PSD3: variants seen among roughly 807,000 people sequenced by gnomAD.
PSD3 encodes the protein PH and SEC7 domain-containing protein 3.
Under a neutral mutation model 105.5 loss-of-function variants are expected in PSD3, and 49 were observed. The observed-to-expected ratio is 0.46, with a 90% CI of 0.37 to 0.59. PSD3 has a LOEUF of 0.59. Among genes scored for constraint, PSD3 ranks in the 20% least tolerant of loss-of-function variants. The probability of loss-of-function intolerance (pLI) is 0.00; values close to 1 mark genes in which losing one functional copy is unlikely to be tolerated. For synonymous variants in PSD3, 557 were observed against 457.8 expected, an observed-to-expected ratio of 1.22 and a Z score of -2.77; for missense variants, 1,561 against 1,263.8, an observed-to-expected ratio of 1.24 and a Z score of -3.57.
rs779390446 is a variant in PSD3 at position 18,804,912 on chromosome 8, TAA to T, written c.1635-16_1635-15del. The T allele has an allele frequency of 3.2e-6, 5 of 1,556,102 alleles. No homozygotes were observed. The highest frequency in any genetic ancestry group is 2.2e-5 in the East Asian group (1 of 44,582). On this transcript the variant is annotated splice_polypyrimidine_tract_variant and intron_variant, in intron 4 of 15. Transcript: ENST00000327040. ...ACCCCAGCATTGCTATGATAATTGA[TAA>T]AGAGAGAAAATAATAGATTTTTCTT...
intron 3 of PSD3, among the ~76,000 whole-genome samples, chr8:18,869,821 T>C (rs1817209283): frequency 6.6e-6 from 1 of 152,216 alleles, no homozygotes. Context: ...CTATACCTAT[T>C]AGCATGTTTA....
intron 11 of PSD3, among the ~76,000 whole-genome samples, chr8:18,602,284 T>G (rs1804495111): frequency 6.6e-6 from 1 of 152,114 alleles, no homozygotes; most frequent in Non-Finnish European, 1.5e-5. Flanking sequence ...TCTTTCTCAT[T>G]ACTACACTAA....
chr8:18,906,810 A>T (rs1819880664), intron 2 of PSD3, among the ~76,000 whole-genome samples: 1 of 152,198 alleles, frequency 6.6e-6, no homozygotes, highest in Non-Finnish European at 1.5e-5. Context: ...CTGCATATAC[A>T]AAAGATTATA....
chr8:18,948,785 T>C (rs1294135594), intron 1 of PSD3, among the ~76,000 whole-genome samples: 1 of 152,124 alleles, frequency 6.6e-6, no homozygotes, highest in African/African-American at 2.4e-5. Context: ...AAATCCACTC[T>C]ATATTTTTAA....
rs1295631074 is a variant in PSD3, at chr8:18,582,789, C to A, written c.2482-7504G>T. 2.7e-5 allele frequency among the ~76,000 whole-genome samples: 4 copies of A among 149,776 alleles called. No homozygotes were observed. The East Asian group carries it at 7.9e-4, about 30-fold the overall frequency. ...TCTTTGATAGAACCTGTTTCCAAGT[C>A]ATTCTCCAACCTGCAGCCACACTGA... On this transcript the variant is annotated intron_variant, in intron 12 of 15. Coordinates refer to ENST00000327040, the MANE Select transcript of PSD3 (RefSeq NM_015310.4).
rs112970891 is a variant in PSD3, at chr8:18,585,478, T to G, written c.2482-10193A>C. ...GACCACAGGCAAGTACCACTATGTCTGGCTAATTTTTGTATTTTTTGTAGA... is the reference window on the plus strand; with the variant it reads ...GACCACAGGCAAGTACCACTATGTCGGGCTAATTTTTGTATTTTTTGTAGA... On this transcript the variant is annotated intron_variant, in intron 12 of 15. Transcript: ENST00000327040. 5.8e-3 allele frequency among the ~76,000 whole-genome samples: 889 copies of G among 152,226 alleles called. 9 individuals are homozygous for G. Among genetic ancestry groups the G allele is most frequent in the Non-Finnish European group, 9.2e-3 (628 of 68,012 alleles).
intron 4 of PSD3, among the ~76,000 whole-genome samples, chr8:18,845,068 C>A (rs376599828): frequency 6.6e-6 from 1 of 151,980 alleles, no homozygotes; most frequent in Non-Finnish European, 1.5e-5. Flanking sequence ...AAAATTTTAA[C>A]TTGAGGATAA....
chr8:19,000,753 A>C (rs1016342315), intron 1 of PSD3: 1 of 151,944 alleles, frequency 6.6e-6, no homozygotes, highest in African/African-American at 2.4e-5. Flanking sequence ...CTGACTCAGG[A>C]AATTCTATTC....
rs1810464104 is a variant in PSD3 at position 18,799,184 on chromosome 8, G to C, written c.2082+111C>G. ...ATTTCTTTTTATTCACCTGCCATGG[G>C]AACCATGTAGAGAATGGGAAACGGG... is the stretch of plus-strand genomic sequence containing the variant. On this transcript the variant is annotated intron_variant, in intron 8 of 15. Coordinates refer to ENST00000327040, the MANE Select transcript of PSD3 (RefSeq NM_015310.4). 11 of 930,296 alleles carry C rather than the reference G, an allele frequency of 1.2e-5. No homozygotes were observed. In the East Asian group the frequency reaches 2.7e-4, roughly 23 times the overall value. The allele number at this position is 930,296 out of a possible 1,614,324, so 57.6% of individuals were successfully genotyped here. A position where few individuals can be genotyped will look rare whatever the true frequency, so the allele number is the denominator to read the frequency against.
intron 14 of PSD3, among the ~76,000 whole-genome samples, chr8:18,559,028 C>T (rs1801240993): frequency 6.6e-6 from 1 of 152,066 alleles, no homozygotes; most frequent in Non-Finnish European, 1.5e-5. Flanking sequence ...GGATATTTAG[C>T]TTGTTTTCAG....
intron 1 of PSD3, chr8:18,979,552 C>G (rs1028009584): frequency 1.3e-5 from 2 of 152,168 alleles, no homozygotes; most frequent in African/African-American, 4.8e-5. Context: ...CTCCTTACAG[C>G]TTATACATGA....
chr8:18,832,856 C>G (rs1244022899), intron 4 of PSD3, among the ~76,000 whole-genome samples: 1 of 152,090 alleles, frequency 6.6e-6, no homozygotes, highest in Non-Finnish European at 1.5e-5. Context: ...ACTAGAACAG[C>G]ATAGCTCCCA....
intron 8 of PSD3, among the ~76,000 whole-genome samples, chr8:18,788,506 G>C (rs1445912246): frequency 6.6e-6 from 1 of 152,204 alleles, no homozygotes; most frequent in Non-Finnish European, 1.5e-5. Context: ...TAGGGCAGCT[G>C]TGTCAATCAG....
intron 1 of PSD3, among the ~76,000 whole-genome samples, chr8:19,049,831 G>A (rs1342847752): frequency 6.6e-6 from 1 of 152,020 alleles, no homozygotes; most frequent in Non-Finnish European, 1.5e-5. Flanking sequence ...GAGCAGCATG[G>A]CAAATTCGAG....
At chr8:18,702,922 A>T (rs1455611277) in intron 9 of PSD3, among the ~76,000 whole-genome samples, 1 of 151,684 alleles carries the variant, frequency 6.6e-6, no homozygotes, top group Non-Finnish European at 1.5e-5. Context: ...AGCTATAGGT[A>T]CTCTTTATAA....
At chr8:19,003,282 G>A (rs1826495756) in intron 1 of PSD3, among the ~76,000 whole-genome samples, 1 of 151,922 alleles carries the variant, frequency 6.6e-6, no homozygotes, top group South Asian at 2.1e-4. Flanking sequence ...GAGGGAGGAG[G>A]ATTGTTTGAG....
chr8:18,955,817 G>A (rs551462216), intron 1 of PSD3, among the ~76,000 whole-genome samples: 9 of 152,046 alleles, frequency 5.9e-5, no homozygotes, highest in African/African-American at 1.4e-4. Flanking sequence ...TGCCCAGGCT[G>A]GAGTGTAGTG....
chr8:19,081,365 A>C (rs1353001763), intron 1 of PSD3, among the ~76,000 whole-genome samples: 1 of 152,190 alleles, frequency 6.6e-6, no homozygotes. Context: ...GCCTCAGGAA[A>C]TGTAGGGTTA....
At chr8:19,027,385 T>A (rs890372165) in intron 1 of PSD3, among the ~76,000 whole-genome samples, 2 of 152,324 alleles carry the variant, frequency 1.3e-5, no homozygotes, top group African/African-American at 4.8e-5. Context: ...TTTTGATTTG[T>A]ATTAATCCAC....
Sources: allele counts gnomAD v4.1 joint callset (sites outside exome capture counted in the v4.1 genomes callset), GRCh38; gene constraint gnomAD v4.1.1; transcripts MANE v1.5; gene names NCBI Gene and HGNC (gene_info 2026-07-23, HGNC 2026-07-21).